GPR34: variants seen among roughly 807,000 people sequenced by gnomAD.
The protein encoded by GPR34 is G protein-coupled receptor 34.
GPR34 carries 3 observed loss-of-function variants against 14.1 expected under a neutral mutation model. That is an observed-to-expected ratio of 0.21 (90% CI 0.10 to 0.55). The LOEUF (loss-of-function observed/expected upper bound fraction) is 0.55, where lower values mean the gene tolerates loss of function less well. GPR34 is among the 20% of genes least tolerant of loss of function. The probability of loss-of-function intolerance (pLI) is 0.94; values close to 1 mark genes in which losing one functional copy is unlikely to be tolerated. For missense variants in GPR34, 213 were observed against 292.8 expected, an observed-to-expected ratio of 0.73 and a Z score of 1.99; for synonymous variants, 99 against 99.9, an observed-to-expected ratio of 0.99 and a Z score of 0.05.
At chrX:41,694,351 G>A (rs1463602494) in intron 2 of GPR34, among the ~76,000 whole-genome samples, 1 of 111,932 alleles carries the variant, frequency 8.9e-6, no homozygotes, top group Admixed American at 9.5e-5. Flanking sequence ...AGTGGCTGCT[G>A]TAGAGAAATA....
intron 2 of GPR34, among the ~76,000 whole-genome samples, chrX:41,691,763 C>T (rs1412951663): frequency 1.0e-5 from 1 of 97,739 alleles, no homozygotes; most frequent in African/African-American, 3.9e-5. Flanking sequence ...ACTGCTTGAA[C>T]TCGGGAGGCG....
rs761370254 is a variant in GPR34 at position 41,695,864 on chromosome X, T to C, written c.231T>C (p.Tyr77=). 5 of 1,207,815 alleles carry C rather than the reference T, an allele frequency of 4.1e-6. No individual in the cohort carries two copies. In the East Asian group the frequency reaches 8.9e-5, roughly 21 times the overall value. Residue 77 remains tyrosine, a synonymous_variant, in exon 3 of 3, where the codon TAT becomes TAC. Transcript: ENST00000378142. ...VGLVGNIIAL[Y]VFLGIHRKRN... Reference sequence around the variant, plus strand: ...TGGTTGGGAACATAATCGCCCTCTATGTATTTCTGGGTATTCACCGTAAAA... The same window carrying C: ...TGGTTGGGAACATAATCGCCCTCTACGTATTTCTGGGTATTCACCGTAAAA...
At chrX:41,690,835 G>A (rs181889130) in intron 2 of GPR34, among the ~76,000 whole-genome samples, 1 of 107,284 alleles carries the variant, frequency 9.3e-6, no homozygotes, top group Non-Finnish European at 1.9e-5. Context: ...CACCATACCC[G>A]CTAATTTTTA....
At position 41,695,545 on chromosome X, in the gene GPR34, T is replaced by C; in HGVS notation, c.-79-10T>C. On this transcript the variant is annotated splice_polypyrimidine_tract_variant and intron_variant, in intron 2 of 2. Coordinates refer to ENST00000378142, the MANE Select transcript of GPR34 (RefSeq NM_001097579.2). ...TAGCAAATGACTCAATGTTTGGCAT[T>C]CCGTTGTAGGAAAAATCTGAAGACA... The C allele has an allele frequency of 1.7e-6, 1 of 581,553 alleles. No homozygotes were observed. Among genetic ancestry groups the C allele is most frequent in the Non-Finnish European group, 2.8e-6 (1 of 356,559 alleles). 47.9% of individuals were successfully genotyped at this position (581,553 alleles called of 1,213,427 possible). A position where few individuals can be genotyped will look rare whatever the true frequency, so the allele number is the denominator to read the frequency against.
Position 41,696,688 on chromosome X carries a change from G to C in GPR34, c.1055G>C (p.Arg352Thr). Reference protein sequence around the residue: ...LFRRFQGEPSRSESTSEFKPG... With the variant: ...LFRRFQGEPSTSESTSEFKPG... Reference sequence around the variant, plus strand: ...AGACGATTTCAAGGTGAACCAAGTAGGAGTGAAAGCACTTCAGAATTTAAA... The same window carrying C: ...AGACGATTTCAAGGTGAACCAAGTACGAGTGAAAGCACTTCAGAATTTAAA... The change falls in exon 3 of 3, where the codon AGG becomes ACG. Residue 352 changes from arginine to threonine, a missense_variant. Transcript: ENST00000378142. 1.7e-6 allele frequency: 2 copies of C among 1,207,923 alleles called. No homozygotes were observed. Among genetic ancestry groups the C allele is most frequent in the Non-Finnish European group, 2.2e-6 (2 of 892,039 alleles).
In GPR34 at chrX:41,696,480, C is replaced by CA. The variant is rs777100443; in HGVS notation, c.848dup (p.His283GlnfsTer28). ...TTTTACTATATGTTTTGTTCCCTAT[C>CA]ATGCCTTTCGATTCATCTACATTTC... On this transcript the variant is annotated frameshift_variant, in exon 3 of 3. Transcript: ENST00000378142. LOFTEE classifies it high-confidence loss of function. 8.3e-7 allele frequency: 1 copy of CA among 1,206,448 alleles called. No homozygotes were observed. The highest frequency in any genetic ancestry group is 1.8e-5 in the South Asian group (1 of 56,805).
intron 2 of GPR34, among the ~76,000 whole-genome samples, chrX:41,690,117 T>C (rs2067516036): frequency 8.9e-6 from 1 of 111,735 alleles, no homozygotes; most frequent in Non-Finnish European, 1.9e-5. Context: ...CACTTCAATA[T>C]AGCACATGGG....
chrX:41,693,487 G>A (rs766621776), intron 2 of GPR34, among the ~76,000 whole-genome samples: 69 of 110,577 alleles, frequency 6.2e-4, no homozygotes, highest in African/African-American at 2.2e-3. Context: ...GGTGGCGGGC[G>A]CCTGTAATCC....
chrX:41,691,943 T>C (rs2067574342), intron 2 of GPR34, among the ~76,000 whole-genome samples: 1 of 108,276 alleles, frequency 9.2e-6, no homozygotes, highest in Non-Finnish European at 1.9e-5. Context: ...TAGAGACAGG[T>C]TCATGCTATG....
At chrX:41,692,047 C>G (rs2067576405) in intron 2 of GPR34, among the ~76,000 whole-genome samples, 1 of 111,040 alleles carries the variant, frequency 9.0e-6, no homozygotes, top group Non-Finnish European at 1.9e-5. Flanking sequence ...GCGTGAGCCA[C>G]TGTACCTGGC....
chrX:41,696,250 A>G lies in GPR34; in HGVS notation c.617A>G (p.His206Arg), dbSNP rs778882293. 2 of 1,205,887 alleles carry G rather than the reference A, an allele frequency of 1.7e-6. No individual in the cohort carries two copies. The highest frequency in any genetic ancestry group is 2.2e-6 in the Non-Finnish European group (2 of 892,546). Reference protein sequence around the residue: ...KGGHNSTMCFHYRDKHNAKGE... With the variant: ...KGGHNSTMCFRYRDKHNAKGE... ...GGGCATAATTCCACAATGTGTTTCC[A>G]TTACAGAGATAAGCATAACGCAAAA... The change falls in exon 3 of 3, where the codon CAT (histidine) becomes CGT (arginine). Residue 206 changes from histidine to arginine, a missense_variant. Coordinates refer to ENST00000378142, the MANE Select transcript of GPR34 (RefSeq NM_001097579.2).
At position 41,696,203 on chromosome X, in the gene GPR34, T is replaced by C; in HGVS notation, c.570T>C (p.Ile190=). Residue 190 remains isoleucine, a synonymous_variant, in exon 3 of 3, where the codon ATT becomes ATC. Transcript: ENST00000378142. ...MLALGGFLTM[I]ILTLKKGGHN... ...CTCTTGGTGGATTCCTAACTATGAT[T>C]ATTTTAACACTTAAGAAAGGAGGGC... 8.3e-7 allele frequency: 1 copy of C among 1,204,080 alleles called. No individual in the cohort carries two copies.
chrX:41,694,082 T>C (rs1005332394), intron 2 of GPR34, among the ~76,000 whole-genome samples: 2 of 112,139 alleles, frequency 1.8e-5, no homozygotes, highest in African/African-American at 6.5e-5. Context: ...CTCTGTCTTA[T>C]TCACCTTCCT....
At chrX:41,690,819 G>A (rs1315731058) in intron 2 of GPR34, among the ~76,000 whole-genome samples, 3 of 107,840 alleles carry the variant, frequency 2.8e-5, no homozygotes, top group East Asian at 2.9e-4. Context: ...GACTATAGGC[G>A]CACGTCACCA....
chrX:41,696,090 T>C lies in GPR34; in HGVS notation c.457T>C (p.Tyr153His). The change falls in exon 3 of 3, where the codon TAT (tyrosine) becomes CAT (histidine). Residue 153 changes from tyrosine to histidine, a missense_variant. Transcript: ENST00000378142. The part of the protein sequence containing the change: ...ILLGFISLDR[Y>H]IKINRSIQQR... ...GCTTGGATTCATCAGTTTGGATCGC[T>C]ATATAAAAATTAATCGGTCTATACA... is the stretch of plus-strand genomic sequence containing the variant. 8.3e-7 allele frequency: 1 copy of C among 1,203,434 alleles called. No individual in the cohort carries two copies. The highest frequency in any genetic ancestry group is 1.1e-6 in the Non-Finnish European group (1 of 888,774).
rs771766689 is a variant in GPR34, at chrX:41,695,448, T to C, written c.-79-107T>C. The C allele has an allele frequency of 3.5e-5, 14 of 402,215 alleles. No individual in the cohort carries two copies. The South Asian group carries it at 6.7e-4, about 19-fold the overall frequency. The allele number at this position is 402,215 out of a possible 1,213,427, so 33.1% of individuals were successfully genotyped here. ...CTTCTGCTGTAGCCTCCCGAGTAGCTAGGACCATAGGCGTGTGCTGGGAAG... is the reference window on the plus strand; with the variant it reads ...CTTCTGCTGTAGCCTCCCGAGTAGCCAGGACCATAGGCGTGTGCTGGGAAG... On this transcript the variant is annotated intron_variant, in intron 2 of 2. Coordinates refer to ENST00000378142, the MANE Select transcript of GPR34 (RefSeq NM_001097579.2).
At chrX:41,691,766 G>T (rs1471776457) in intron 2 of GPR34, among the ~76,000 whole-genome samples, 1 of 104,735 alleles carries the variant, frequency 9.5e-6, no homozygotes, top group East Asian at 3.0e-4. Context: ...GCTTGAACTC[G>T]GGAGGCGGAG....
At chrX:41,690,822 C>T (rs931610202) in intron 2 of GPR34, among the ~76,000 whole-genome samples, 5 of 108,195 alleles carry the variant, frequency 4.6e-5, no homozygotes, top group Admixed American at 1.0e-4. Flanking sequence ...TATAGGCGCA[C>T]GTCACCATAC....
chrX:41,693,755 C>CT (rs2067625213), intron 2 of GPR34, among the ~76,000 whole-genome samples: 1 of 111,841 alleles, frequency 8.9e-6, no homozygotes, highest in South Asian at 3.8e-4. Context: ...TCCTTCCCCG[C>CT]TCCCTTCCTT....
Sources: gnomAD v4.1 joint callset for allele counts (sites outside exome capture counted in the v4.1 genomes callset) on GRCh38, gnomAD v4.1.1 for gene constraint, MANE v1.5 for transcripts, NCBI Gene and HGNC (gene_info 2026-07-23, HGNC 2026-07-21) for gene names.